The following NAALADL2 variants were observed in gnomAD, a reference collection of about 807,000 sequenced individuals.
The protein encoded by NAALADL2 is inactive N-acetylated-alpha-linked acidic dipeptidase-like protein 2.
Under a neutral mutation model 87.2 loss-of-function variants are expected in NAALADL2, and 76 were observed. That is an observed-to-expected ratio of 0.87 (90% CI 0.72 to 1.05). The LOEUF (loss-of-function observed/expected upper bound fraction) is 1.05, where lower values mean the gene tolerates loss of function less well. Ranked by LOEUF, NAALADL2 falls within the 50% of genes least tolerant of loss-of-function variation. NAALADL2 has a pLI of 0.00. For synonymous variants in NAALADL2, 354 were observed against 331.0 expected (o/e 1.07, Z -0.75); for missense variants, 1,089 against 945.8 (o/e 1.15, Z -1.99).
At chr3:174,813,233 G>A (rs531782799) in intron 3 of NAALADL2, among the ~76,000 whole-genome samples, 1 of 151,952 alleles carries the variant, frequency 6.6e-6, no homozygotes, top group African/African-American at 2.4e-5. Flanking sequence ...ATTGTCTTGG[G>A]TCACACACAA....
At chr3:174,954,668 A>G (rs1740899673) in intron 1 of NAALADL2, among the ~76,000 whole-genome samples, 1 of 152,084 alleles carries the variant, frequency 6.6e-6, no homozygotes. Context: ...ATGGAATTTA[A>G]GGACCATTAA....
intron 2 of NAALADL2, among the ~76,000 whole-genome samples, chr3:175,190,083 G>T (rs780179522): frequency 6.6e-6 from 1 of 151,818 alleles, no homozygotes; most frequent in East Asian, 1.9e-4. Flanking sequence ...TTAAACATAA[G>T]ATCTGAAACC....
At chr3:175,371,428 C>T (rs1228207849) in intron 5 of NAALADL2, among the ~76,000 whole-genome samples, 7 of 152,000 alleles carry the variant, frequency 4.6e-5, no homozygotes, top group Non-Finnish European at 8.8e-5. Flanking sequence ...CCACCGCGCC[C>T]GGCTAATTTT....
chr3:175,723,328 A>C (rs918268888), intron 11 of NAALADL2, among the ~76,000 whole-genome samples: 2 of 152,142 alleles, frequency 1.3e-5, no homozygotes, highest in Non-Finnish European at 2.9e-5. Context: ...ATTTAAGAGA[A>C]TATTGTGACT....
chr3:175,400,343 T>C (rs1862077), intron 5 of NAALADL2, among the ~76,000 whole-genome samples: 79,466 of 151,568 alleles, frequency 0.52, 21,653 homozygotes, highest in South Asian at 0.6. Flanking sequence ...GTGATCTCTT[T>C]TATGTTGCAG....
intron 2 of NAALADL2, among the ~76,000 whole-genome samples, chr3:174,554,221 G>T (rs572289564): frequency 1.2e-3 from 182 of 151,824 alleles, no homozygotes; most frequent in African/African-American, 4.1e-3. Context: ...TTTAATAAAA[G>T]CTTTATACAT....
At chr3:175,323,161 A>T (rs1189631180) in intron 4 of NAALADL2, among the ~76,000 whole-genome samples, 2 of 149,758 alleles carry the variant, frequency 1.3e-5, no homozygotes, top group African/African-American at 4.9e-5. Context: ...TGCAGCCATA[A>T]AAAATGATGA....
At chr3:174,488,818 C>T (rs924985526) in intron 1 of NAALADL2, among the ~76,000 whole-genome samples, 4 of 152,080 alleles carry the variant, frequency 2.6e-5, no homozygotes, top group Admixed American at 2.0e-4. Flanking sequence ...CCATTCACAG[C>T]CACAGACACC....
intron 1 of NAALADL2, among the ~76,000 whole-genome samples, chr3:175,017,818 A>G (rs565890047): frequency 6.6e-6 from 1 of 152,222 alleles, no homozygotes; most frequent in East Asian, 1.9e-4. Flanking sequence ...GAAGAAAGAA[A>G]AAATCAGATT....
chr3:175,510,024 C>T (rs527837000), intron 9 of NAALADL2, among the ~76,000 whole-genome samples: 2 of 151,642 alleles, frequency 1.3e-5, no homozygotes, highest in South Asian at 4.2e-4. Context: ...ACAACAGTCC[C>T]CAGTGTGATG....
intron 1 of NAALADL2, chr3:174,536,694 T>C (rs1404367114): frequency 2.6e-5 from 4 of 152,164 alleles, no homozygotes; most frequent in Non-Finnish European, 5.9e-5. Flanking sequence ...GTAAGCCCTC[T>C]ATTGGTGACC....
At chr3:175,354,704 G>A (rs78435538) in intron 5 of NAALADL2, among the ~76,000 whole-genome samples, 2,279 of 151,764 alleles carry the variant, frequency 0.015, 55 homozygotes, top group African/African-American at 0.052. Context: ...GTGCAGTGCC[G>A]ATTCACAGAC....
At chr3:175,606,557 G>A (rs1232247481) in intron 10 of NAALADL2, among the ~76,000 whole-genome samples, 2 of 151,972 alleles carry the variant, frequency 1.3e-5, no homozygotes, top group Non-Finnish European at 2.9e-5. Context: ...GTAATATTGC[G>A]GAACTCCTTA....
chr3:175,115,949 G>C (rs7646618), intron 2 of NAALADL2, among the ~76,000 whole-genome samples: 91,710 of 151,570 alleles, frequency 0.61, 28,263 homozygotes, highest in African/African-American at 0.73. Context: ...ATCAATAAAT[G>C]TAATCCATCT....
intron 1 of NAALADL2, among the ~76,000 whole-genome samples, chr3:175,057,390 T>C (rs1712435802): frequency 6.6e-6 from 1 of 152,200 alleles, no homozygotes; most frequent in South Asian, 2.1e-4. Context: ...GATAAATAGA[T>C]GTGCTACTAC....
At chr3:175,539,873 T>A (rs1712001642) in intron 9 of NAALADL2, among the ~76,000 whole-genome samples, 1 of 152,062 alleles carries the variant, frequency 6.6e-6, no homozygotes, top group African/African-American at 2.4e-5. Context: ...TAACTATTTG[T>A]TTATGATTCA....
intron 11 of NAALADL2, among the ~76,000 whole-genome samples, chr3:175,678,691 A>G (rs1190638106): frequency 2.6e-5 from 4 of 152,086 alleles, no homozygotes; most frequent in African/African-American, 9.7e-5. Context: ...ACTTGGACAC[A>G]GGGTGGGGAA....
At chr3:174,456,260 A>G (rs577617358) in intron 1 of NAALADL2, among the ~76,000 whole-genome samples, 10 of 152,252 alleles carry the variant, frequency 6.6e-5, no homozygotes, top group African/African-American at 1.7e-4. Flanking sequence ...GGAAGAATCA[A>G]TGTTGTTAAA....
chr3:175,401,173 A>G (rs1770515560), intron 5 of NAALADL2, among the ~76,000 whole-genome samples: 1 of 152,084 alleles, frequency 6.6e-6, no homozygotes, highest in Non-Finnish European at 1.5e-5. Flanking sequence ...AAGATACCAG[A>G]AATCCTGGGC....
Sources: gnomAD v4.1 joint callset for allele counts (sites outside exome capture counted in the v4.1 genomes callset) on GRCh38, gnomAD v4.1.1 for gene constraint, MANE v1.5 for transcripts, NCBI Gene and HGNC (gene_info 2026-07-23, HGNC 2026-07-21) for gene names.